CSMD1: variants seen among roughly 807,000 people sequenced by gnomAD.
The protein encoded by CSMD1 is CUB and Sushi multiple domains 1, also known as CUB and sushi domain-containing protein 1.
Under a neutral mutation model 417.5 loss-of-function variants are expected in CSMD1, and 213 were observed. That is an observed-to-expected ratio of 0.51 (90% CI 0.46 to 0.57). The LOEUF is 0.57. Among genes scored for constraint, CSMD1 ranks in the 20% least tolerant of loss-of-function variants. The probability of loss-of-function intolerance (pLI) is 0.00; values close to 1 mark genes in which losing one functional copy is unlikely to be tolerated. For missense variants in CSMD1, 6,923 were observed against 4,529.7 expected, an observed-to-expected ratio of 1.53 and a Z score of -15.17; for synonymous variants, 2,862 against 1,736.8, an observed-to-expected ratio of 1.65 and a Z score of -16.11.
intron 40 of CSMD1, among the ~76,000 whole-genome samples, chr8:3,144,201 T>A (rs1338870551): frequency 1.3e-5 from 2 of 152,134 alleles, no homozygotes; most frequent in African/African-American, 4.8e-5. Context: ...ATGTTCTGTC[T>A]CATGTCACAC....
At chr8:2,988,933 C>A (rs990572011) in intron 54 of CSMD1, among the ~76,000 whole-genome samples, 5 of 152,136 alleles carry the variant, frequency 3.3e-5, no homozygotes, top group Non-Finnish European at 7.4e-5. Context: ...TTACCTGGGG[C>A]TCTGTTTCAA....
chr8:4,293,667 A>T (rs1259537006), intron 3 of CSMD1, among the ~76,000 whole-genome samples: 1 of 152,142 alleles, frequency 6.6e-6, no homozygotes, highest in Non-Finnish European at 1.5e-5. Context: ...ACCACCAATA[A>T]ATAATAACAA....
intron 3 of CSMD1, among the ~76,000 whole-genome samples, chr8:4,143,531 T>A (rs1803923733): frequency 6.6e-6 from 1 of 151,020 alleles, no homozygotes; most frequent in South Asian, 2.1e-4. Flanking sequence ...TAAGTTTATA[T>A]CAAATCTATA....
At chr8:3,803,323 T>C (rs74726152) in intron 5 of CSMD1, among the ~76,000 whole-genome samples, 5 of 152,140 alleles carry the variant, frequency 3.3e-5, no homozygotes, top group South Asian at 2.1e-4. Context: ...GATACTGCTA[T>C]ACACAAATAC....
chr8:4,475,199 A>G (rs1379006538), intron 2 of CSMD1, among the ~76,000 whole-genome samples: 1 of 152,200 alleles, frequency 6.6e-6, no homozygotes, highest in African/African-American at 2.4e-5. Flanking sequence ...CTGTGAATAT[A>G]TATCTTAAAA....
At chr8:4,282,341 G>A (rs901516949) in intron 3 of CSMD1, among the ~76,000 whole-genome samples, 6 of 152,092 alleles carry the variant, frequency 3.9e-5, no homozygotes, top group Admixed American at 2.0e-4. Flanking sequence ...TCATAACACA[G>A]ATCTTCTGGC....
intron 10 of CSMD1, among the ~76,000 whole-genome samples, chr8:3,516,731 C>A (rs558619402): frequency 6.6e-6 from 1 of 152,046 alleles, no homozygotes; most frequent in African/African-American, 2.4e-5. Flanking sequence ...TATTTTGGGG[C>A]ATGCCTCACC....
intron 25 of CSMD1, among the ~76,000 whole-genome samples, chr8:3,299,595 A>G (rs4875568): frequency 0.9 from 137,381 of 152,110 alleles, 62,356 homozygotes; most frequent in Middle Eastern, 0.95. Flanking sequence ...CAGCGGACAT[A>G]GGTGTAATTC....
chr8:3,339,498 A>C (rs1807501225), intron 23 of CSMD1, among the ~76,000 whole-genome samples: 1 of 152,156 alleles, frequency 6.6e-6, no homozygotes, highest in Non-Finnish European at 1.5e-5. Flanking sequence ...AAATAGATTT[A>C]TCTCATCAGA....
intron 50 of CSMD1, among the ~76,000 whole-genome samples, chr8:3,033,985 C>A (rs1810507739): frequency 6.6e-6 from 1 of 152,120 alleles, no homozygotes; most frequent in African/African-American, 2.4e-5. Flanking sequence ...CTAGTCAGAC[C>A]ACCCCCTAGT....
At chr8:4,685,203 T>A (rs1359963120) in intron 1 of CSMD1, among the ~76,000 whole-genome samples, 1 of 152,168 alleles carries the variant, frequency 6.6e-6, no homozygotes, top group Non-Finnish European at 1.5e-5. Flanking sequence ...CAAATGAGAA[T>A]AATGGCCGTA....
chr8:4,664,479 T>C (rs565154655), intron 1 of CSMD1, among the ~76,000 whole-genome samples: 110 of 152,186 alleles, frequency 7.2e-4, no homozygotes, highest in African/African-American at 2.6e-3. Flanking sequence ...AGGACTGCTT[T>C]ACCCTGGGGA....
chr8:4,028,046 T>A (rs1364893481), intron 4 of CSMD1, among the ~76,000 whole-genome samples: 1 of 152,166 alleles, frequency 6.6e-6, no homozygotes, highest in Non-Finnish European at 1.5e-5. Context: ...GTTTAGGTTT[T>A]GAGGCCACCA....
intron 10 of CSMD1, among the ~76,000 whole-genome samples, chr8:3,556,557 C>CTG (rs1428467740): frequency 3.0e-4 from 45 of 149,972 alleles, no homozygotes; most frequent in African/African-American, 1.0e-3. Flanking sequence ...CACACCCTCT[C>CTG]TCTCTTTCAG....
intron 5 of CSMD1, among the ~76,000 whole-genome samples, chr8:3,959,775 A>G (rs1292672389): frequency 6.6e-6 from 1 of 152,192 alleles, no homozygotes; most frequent in Non-Finnish European, 1.5e-5. Flanking sequence ...CAGTTTTGTG[A>G]TTGGAATAGC....
chr8:4,620,917 C>G (rs2616979), intron 2 of CSMD1, among the ~76,000 whole-genome samples: 1 of 151,476 alleles, frequency 6.6e-6, no homozygotes, highest in South Asian at 2.1e-4. Flanking sequence ...AAATAGGCAA[C>G]TGGCAAATAA....
intron 1 of CSMD1, among the ~76,000 whole-genome samples, chr8:4,664,416 T>C (rs1804789742): frequency 1.3e-5 from 2 of 152,086 alleles, no homozygotes; most frequent in South Asian, 2.1e-4. Flanking sequence ...GAAAATTGAA[T>C]GTTCCTGGTA....
chr8:3,879,604 G>C (rs1231971262), intron 5 of CSMD1, among the ~76,000 whole-genome samples: 2 of 152,076 alleles, frequency 1.3e-5, no homozygotes, highest in African/African-American at 4.8e-5. Context: ...AATGAGATTT[G>C]CTTTTATTAA....
intron 33 of CSMD1, among the ~76,000 whole-genome samples, chr8:3,198,244 C>T (rs1796805787): frequency 1.3e-5 from 2 of 152,090 alleles, no homozygotes; most frequent in African/African-American, 4.8e-5. Flanking sequence ...TATCAAAAAC[C>T]AAGGAAAGCC....
Sources: allele counts gnomAD v4.1 joint callset (sites outside exome capture counted in the v4.1 genomes callset), GRCh38; gene constraint gnomAD v4.1.1; transcripts MANE v1.5; gene names NCBI Gene and HGNC (gene_info 2026-07-23, HGNC 2026-07-21).